DAB1: variants seen among roughly 807,000 people sequenced by gnomAD.
DAB1 encodes disabled homolog 1.
A neutral mutation model predicts 64.6 loss-of-function variants in DAB1; 15 were observed. The observed-to-expected ratio is 0.23, with a 90% CI of 0.16 to 0.36. The LOEUF (loss-of-function observed/expected upper bound fraction) is 0.36, where lower values mean the gene tolerates loss of function less well. DAB1 is among the 10% of genes least tolerant of loss of function. The pLI, the probability that DAB1 is intolerant of heterozygous loss-of-function variation, is 1.00. For missense variants in DAB1, 596 were observed against 706.7 expected, an observed-to-expected ratio of 0.84 and a Z score of 1.78; for synonymous variants, 235 against 251.9, an observed-to-expected ratio of 0.93 and a Z score of 0.64.
At chr1:58,238,849 G>C (rs956607860) in intron 4 of DAB1, among the ~76,000 whole-genome samples, 1 of 152,142 alleles carries the variant, frequency 6.6e-6, no homozygotes, top group African/African-American at 2.4e-5. Context: ...TTCTGCATGG[G>C]AACCAGAAGT....
At chr1:58,242,847 G>A (rs1660358858) in intron 4 of DAB1, among the ~76,000 whole-genome samples, 1 of 151,952 alleles carries the variant, frequency 6.6e-6, no homozygotes, top group African/African-American at 2.4e-5. Flanking sequence ...AAATGAACAT[G>A]GGGAATTAAC....
intron 6 of DAB1, among the ~76,000 whole-genome samples, chr1:57,669,748 A>AG (rs1364778523): frequency 6.6e-6 from 1 of 152,158 alleles, no homozygotes; most frequent in East Asian, 1.9e-4. Flanking sequence ...CCTTGGAGGA[A>AG]GGGTGTCACT....
intron 5 of DAB1, among the ~76,000 whole-genome samples, chr1:57,907,552 T>G (rs1455485860): frequency 6.6e-6 from 1 of 152,186 alleles, no homozygotes; most frequent in African/African-American, 2.4e-5. Flanking sequence ...GCAATGTATA[T>G]GTATTAGCTG....
chr1:58,066,621 G>T (rs1375902808), intron 5 of DAB1, among the ~76,000 whole-genome samples: 1 of 152,122 alleles, frequency 6.6e-6, no homozygotes, highest in Non-Finnish European at 1.5e-5. Flanking sequence ...CTTGGCCAAG[G>T]TTGCATAATG....
At chr1:58,339,992 C>T (rs542340045) in intron 4 of DAB1, among the ~76,000 whole-genome samples, 6 of 152,168 alleles carry the variant, frequency 3.9e-5, no homozygotes, top group African/African-American at 1.4e-4. Flanking sequence ...TTTAGAAATT[C>T]TAATCACAGC....
At chr1:57,377,716 C>G (rs2100958687) in intron 1 of DAB1, among the ~76,000 whole-genome samples, 1 of 152,244 alleles carries the variant, frequency 6.6e-6, no homozygotes, top group South Asian at 2.1e-4. Flanking sequence ...CAGCAAGACA[C>G]AGATGGCATC....
intron 6 of DAB1, among the ~76,000 whole-genome samples, chr1:57,724,105 G>A (rs570162360): frequency 2.0e-5 from 3 of 152,198 alleles, no homozygotes; most frequent in East Asian, 1.9e-4. Flanking sequence ...TGGACAAGCC[G>A]GGGTAGTAAT....
intron 1 of DAB1, among the ~76,000 whole-genome samples, chr1:57,361,582 T>A (rs1679555000): frequency 1.3e-5 from 2 of 149,964 alleles, no homozygotes; most frequent in African/African-American, 4.9e-5. Context: ...GCCATGAGAC[T>A]TTTTTTTTTC....
intron 3 of DAB1, among the ~76,000 whole-genome samples, chr1:58,372,392 G>T (rs1165520022): frequency 6.6e-6 from 1 of 152,174 alleles, no homozygotes; most frequent in East Asian, 1.9e-4. Context: ...TCCAACGTCT[G>T]TACCCCCATT....
chr1:57,728,642 G>A, intron 6 of DAB1, among the ~76,000 whole-genome samples: 1 of 152,120 alleles, frequency 6.6e-6, no homozygotes, highest in Admixed American at 6.5e-5. Context: ...TGTGATATCA[G>A]TGGTTGGGGT....
In DAB1 at chr1:57,219,294, C is replaced by T. The variant is rs977904912; in HGVS notation, c.67+71670G>A. ...ACACACACACACACACACACACACA[C>T]ATAAACACTCCAGAAGGAAAATCTC... On this transcript the variant is annotated intron_variant, in intron 2 of 14. Coordinates refer to ENST00000371236, the MANE Select transcript of DAB1 (RefSeq NM_001365792.1). Among the ~76,000 whole-genome samples, 10 of 150,890 alleles carry T rather than the reference C, an allele frequency of 6.6e-5. No homozygotes were observed. In the South Asian group the frequency reaches 1.7e-3, roughly 25 times the overall value.
intron 9 of DAB1, among the ~76,000 whole-genome samples, chr1:57,047,608 G>T (rs138177052): frequency 3.9e-5 from 6 of 152,194 alleles, no homozygotes; most frequent in African/African-American, 1.4e-4. Context: ...AATGGAGTCC[G>T]CTAGCACCTT....
At chr1:57,606,793 T>TAGAGAGAG (rs760672200) in intron 7 of DAB1, among the ~76,000 whole-genome samples, 4 of 24,220 alleles carry the variant, frequency 1.7e-4, no homozygotes, top group African/African-American at 2.9e-4. Flanking sequence ...TACATATATA[T>TAGAGAGAG]ATAGAGAGAG....
chr1:57,215,752 G>A (rs1302004993), intron 2 of DAB1, among the ~76,000 whole-genome samples: 2 of 152,134 alleles, frequency 1.3e-5, no homozygotes, highest in Non-Finnish European at 2.9e-5. Flanking sequence ...ACTTAGGCAG[G>A]CACTTGGTTT....
At chr1:57,763,708 C>CTG (rs1195724098) in intron 6 of DAB1, among the ~76,000 whole-genome samples, 1 of 152,024 alleles carries the variant, frequency 6.6e-6, no homozygotes, top group African/African-American at 2.4e-5. Context: ...GCAGGCCACA[C>CTG]CAAAACAGAG....
intron 5 of DAB1, among the ~76,000 whole-genome samples, chr1:57,928,819 C>G (rs1644915599): frequency 6.6e-6 from 1 of 152,140 alleles, no homozygotes; most frequent in African/African-American, 2.4e-5. Flanking sequence ...ATTTCGTTAT[C>G]TGGATGTAAC....
intron 5 of DAB1, among the ~76,000 whole-genome samples, chr1:58,067,405 C>T (rs1046360649): frequency 4.9e-4 from 75 of 152,154 alleles, no homozygotes; most frequent in Admixed American, 2.1e-3. Context: ...CTCTGACACC[C>T]AGGTTTCTCA....
chr1:57,929,499 C>A (rs1005334166), intron 5 of DAB1, among the ~76,000 whole-genome samples: 1 of 152,196 alleles, frequency 6.6e-6, no homozygotes, highest in African/African-American at 2.4e-5. Flanking sequence ...GCTGTCACAG[C>A]TAAAATGTCA....
At chr1:58,318,762 T>C (rs1485826723) in intron 4 of DAB1, among the ~76,000 whole-genome samples, 2 of 152,202 alleles carry the variant, frequency 1.3e-5, no homozygotes, top group Non-Finnish European at 2.9e-5. Flanking sequence ...GGAATCCAGA[T>C]CTTTACTCAC....
Sources: gnomAD v4.1 joint callset for allele counts (sites outside exome capture counted in the v4.1 genomes callset) on GRCh38, gnomAD v4.1.1 for gene constraint, MANE v1.5 for transcripts, NCBI Gene and HGNC (gene_info 2026-07-23, HGNC 2026-07-21) for gene names.